Variants in RGS5 observed in about 807,000 individuals in gnomAD.
RGS5 encodes the protein regulator of G protein signaling 5, also known as regulator of G-protein signalling 5.
Under a neutral mutation model 18.9 loss-of-function variants are expected in RGS5, and 20 were observed. That is an observed-to-expected ratio of 1.06 (90% CI 0.74 to 1.54). The LOEUF (loss-of-function observed/expected upper bound fraction) is 1.54. Ranked by LOEUF, RGS5 falls within the 40% of genes most tolerant of loss-of-function variation. RGS5 has a pLI of 0.00. For synonymous variants in RGS5, 57 were observed against 76.2 expected, an observed-to-expected ratio of 0.75 and a Z score of 1.31; for missense variants, 201 against 211.8, an observed-to-expected ratio of 0.95 and a Z score of 0.32.
At chr1:163,272,022 C>T (rs1032033806) in intron 2 of RGS5, among the ~76,000 whole-genome samples, 1 of 150,716 alleles carries the variant, frequency 6.6e-6, no homozygotes, top group East Asian at 1.9e-4. Flanking sequence ...TCCTTCCTTC[C>T]TCTCTCTCTG....
chr1:163,320,576 T>C (rs910616363), intron 1 of RGS5, among the ~76,000 whole-genome samples: 3 of 152,208 alleles, frequency 2.0e-5, no homozygotes, highest in Non-Finnish European at 4.4e-5. Flanking sequence ...GTGGAAATTA[T>C]GCATGTATCA....
chr1:163,257,497 G>T (rs894377621), intron 2 of RGS5, among the ~76,000 whole-genome samples: 1 of 152,058 alleles, frequency 6.6e-6, no homozygotes, highest in Non-Finnish European at 1.5e-5. Flanking sequence ...GCCATCAAAC[G>T]CCCAAATTTT....
At chr1:163,173,162 A>C (rs1236251220) in intron 1 of RGS5, among the ~76,000 whole-genome samples, 2 of 152,100 alleles carry the variant, frequency 1.3e-5, no homozygotes, top group African/African-American at 4.8e-5. Flanking sequence ...CACACTAGAC[A>C]TTTTTTCCTG....
chr1:163,149,817 A>G (rs1331581589), intron 4 of RGS5, among the ~76,000 whole-genome samples: 1 of 152,196 alleles, frequency 6.6e-6, no homozygotes, highest in Non-Finnish European at 1.5e-5. Flanking sequence ...GGTCAATTTC[A>G]TCAAAATTAA....
chr1:163,185,655 T>C (rs1659039035), intron 1 of RGS5, among the ~76,000 whole-genome samples: 1 of 152,210 alleles, frequency 6.6e-6, no homozygotes, highest in Admixed American at 6.5e-5. Flanking sequence ...CCTGATGCTT[T>C]CCAGTTCCCT....
At chr1:163,212,115 A>G (rs900704990) in intron 1 of RGS5, 2 of 152,114 alleles carry the variant, frequency 1.3e-5, no homozygotes, top group Non-Finnish European at 2.9e-5. Context: ...TTCTTCACAA[A>G]TGTCTTTATT....
At chr1:163,204,690 A>G (rs142551058), upstream of RGS5, among the ~76,000 whole-genome samples, 141 of 152,304 alleles carry the variant, frequency 9.3e-4, no homozygotes, top group African/African-American at 3.3e-3. Context: ...TCCGCCATCT[A>G]TTGACTGAGT....
chr1:163,177,426 T>C (rs762835853), intron 1 of RGS5, among the ~76,000 whole-genome samples: 8 of 152,202 alleles, frequency 5.3e-5, no homozygotes, highest in Non-Finnish European at 7.3e-5. Context: ...ACATTTTACA[T>C]GAGCTTGTTA....
chr1:163,292,196 T>C (rs1649306850), intron 2 of RGS5, among the ~76,000 whole-genome samples: 1 of 152,128 alleles, frequency 6.6e-6, no homozygotes, highest in Non-Finnish European at 1.5e-5. Context: ...CAGGCCCCAG[T>C]GTGTACTGTT....
At chr1:163,219,173 T>A (rs1660281890), upstream of RGS5, among the ~76,000 whole-genome samples, 1 of 152,168 alleles carries the variant, frequency 6.6e-6, no homozygotes, top group African/African-American at 2.4e-5. Flanking sequence ...CTACGGATTT[T>A]CACAAATTTA....
intron 2 of RGS5, among the ~76,000 whole-genome samples, chr1:163,252,647 A>C (rs1648140440): frequency 6.6e-6 from 1 of 151,296 alleles, no homozygotes; most frequent in South Asian, 2.1e-4. Context: ...CTAAGAACAA[A>C]ATTTATGGCA....
chr1:163,219,705 A>G (rs987601320), upstream of RGS5, among the ~76,000 whole-genome samples: 2 of 152,184 alleles, frequency 1.3e-5, no homozygotes, highest in Non-Finnish European at 2.9e-5. Flanking sequence ...ATAAAATATA[A>G]AAACAAAAGT....
intron 1 of RGS5, among the ~76,000 whole-genome samples, chr1:163,193,649 G>A (rs1178885568): frequency 1.3e-5 from 2 of 152,090 alleles, no homozygotes; most frequent in African/African-American, 4.8e-5. Flanking sequence ...AATCTGGTTG[G>A]AATTTGCAGT....
At chr1:163,176,785 TC>T (rs1304514203) in intron 1 of RGS5, among the ~76,000 whole-genome samples, 2 of 152,164 alleles carry the variant, frequency 1.3e-5, no homozygotes, top group African/African-American at 4.8e-5. Flanking sequence ...AAAGATAAGG[TC>T]CTCTCATTGA....
chr1:163,308,324 A>G (rs1345833260), intron 1 of RGS5, among the ~76,000 whole-genome samples: 2 of 152,226 alleles, frequency 1.3e-5, no homozygotes, highest in East Asian at 3.8e-4. Flanking sequence ...GTGTGACACA[A>G]TAAGTAATAA....
At chr1:163,218,793 AGAGATTG>A (rs1660273304), upstream of RGS5, among the ~76,000 whole-genome samples, 1 of 152,114 alleles carries the variant, frequency 6.6e-6, no homozygotes, top group Non-Finnish European at 1.5e-5. Context: ...TAAAAGACAA[AGAGATTG>A]CCTCAGGATA....
chr1:163,168,365 G>A lies in RGS5; in HGVS notation c.48C>T (p.Ala16=), dbSNP rs763975716. The A allele has an allele frequency of 6.2e-7, 1 of 1,611,764 alleles. No homozygotes were observed. Among genetic ancestry groups the A allele is most frequent in the East Asian group, 2.2e-5 (1 of 44,842 alleles). ...TTCCCAACTTGATCTTAATCTCCTT[G>A]GCCCTGAAAGAAGAGACACAAGGGG... ...AALPHSCLER[A]KEIKIKLGIL... is the part of the protein sequence containing the mutation. The change falls in exon 2 of 5, where the codon GCC becomes GCT. Residue 16 remains alanine, a synonymous_variant. Coordinates refer to ENST00000313961, the MANE Select transcript of RGS5 (RefSeq NM_003617.4).
In RGS5 at chr1:163,236,126, T is replaced by C. The variant is rs192690265; in HGVS notation, c.-280-67758A>G. Among the ~76,000 whole-genome samples, 6 of 152,330 alleles carry C rather than the reference T, an allele frequency of 3.9e-5. No homozygotes were observed. The East Asian group carries it at 9.7e-4, about 25-fold the overall frequency. ...CATAATTGGGGCCCTTCATATTTCT[T>C]CTAAATTTTGTTTAGAAACTGAATA... On this transcript the variant is annotated intron_variant, in intron 2 of 5. Transcript: ENST00000618415.
chr1:163,300,640 G>A (rs1649529564), intron 2 of RGS5: 1 of 152,196 alleles, frequency 6.6e-6, no homozygotes, highest in African/African-American at 2.4e-5. Flanking sequence ...GAGGATTCAT[G>A]AGTCTCATGG....
Sources: allele counts gnomAD v4.1 joint callset (sites outside exome capture counted in the v4.1 genomes callset), GRCh38; gene constraint gnomAD v4.1.1; transcripts MANE v1.5; gene names NCBI Gene and HGNC (gene_info 2026-07-23, HGNC 2026-07-21).